Variants in RNF126 observed in about 807,000 individuals in gnomAD.
RNF126 encodes the protein E3 ubiquitin-protein ligase RNF126.
Under a neutral mutation model 41.9 loss-of-function variants are expected in RNF126, and 20 were observed. The ratio of observed to expected loss-of-function variants is 0.48; its 90% CI spans 0.34 to 0.69. The LOEUF is 0.69. Among genes scored for constraint, RNF126 ranks in the 30% least tolerant of loss-of-function variants. The probability of loss-of-function intolerance (pLI) is 0.01; values close to 1 mark genes in which losing one functional copy is unlikely to be tolerated. For missense variants in RNF126, 433 were observed against 460.6 expected (o/e 0.94, Z 0.55); for synonymous variants, 239 against 202.9 (o/e 1.18, Z -1.51).
Position 652,826 on chromosome 19 carries a change from C to A in RNF126, c.134G>T (p.Arg45Met). The change falls in exon 2 of 9, where the codon AGG becomes ATG. Residue 45 changes from arginine (R) to methionine (M), a missense_variant and splice_region_variant. Arg to Met is a moderately conservative substitution (Grantham distance 91). This residue lies in a region of RNF126 where 247 missense variants were observed against 224.7 expected (regional missense o/e 1.10). Transcript: ENST00000292363. ...CCTCTTCAACAGGGGGCTGCATTAC[C>A]TGGTCTCTTCCGGAAGCTCCTCGAT... ...GFIEELPEET[R>M]STENGSAPST... 6.2e-7 allele frequency: 1 copy of A among 1,612,896 alleles called. No homozygotes were observed.
At chr19:651,557 A>G (rs2030287838) in intron 4 of RNF126, 54 bp downstream of exon 4, 6 of 1,375,282 alleles carry the variant, frequency 4.4e-6, no homozygotes, top group Non-Finnish European at 5.6e-6. Flanking sequence ...TAAGCGCCAG[A>G]ACTTCCGACC....
In RNF126 at chr19:652,217, G is replaced by C. The variant is rs371379933; in HGVS notation, c.198+16C>G. On this transcript the variant is annotated intron_variant, in intron 3 of 8. Transcript: ENST00000292363. The stretch of plus-strand genomic sequence containing the variant: ...AGGCTGACACGATCGGGAAGCACGA[G>C]GGGCGGGCGACTCACCTCCAACGGT... The C allele has an allele frequency of 6.6e-7, 1 of 1,516,196 alleles. No individual in the cohort carries two copies. The highest frequency in any genetic ancestry group is 1.8e-4 in the Middle Eastern group (1 of 5,694). 93.9% of individuals were successfully genotyped at this position (1,516,196 alleles called of 1,614,324 possible). A position where few individuals can be genotyped will look rare whatever the true frequency, so the allele number is the denominator to read the frequency against.
chr19:660,984 G>A (rs2030776962), intron 1 of RNF126, among the ~76,000 whole-genome samples: 2 of 152,230 alleles, frequency 1.3e-5, no homozygotes, highest in Admixed American at 1.3e-4. Flanking sequence ...TGCTCTTAAG[G>A]AATCTACCAA....
intron 7 of RNF126, 32 bp from the exon 8 acceptor site, chr19:648,519 G>T: frequency 6.6e-7 from 1 of 1,508,064 alleles, no homozygotes. Flanking sequence ...GTCACAGCGG[G>T]CGTGGGGGGC....
At chr19:654,991 C>A (rs1222447706) in intron 1 of RNF126, among the ~76,000 whole-genome samples, 1 of 150,572 alleles carries the variant, frequency 6.6e-6, no homozygotes, top group Non-Finnish European at 1.5e-5. Context: ...GTGCTTACAA[C>A]TCAAAAGAAA....
At chr19:655,436 A>G (rs1048132160) in intron 1 of RNF126, among the ~76,000 whole-genome samples, 3 of 151,754 alleles carry the variant, frequency 2.0e-5, no homozygotes, top group African/African-American at 4.8e-5. Flanking sequence ...CAGTGAGCCG[A>G]GATCGCGCCA....
chr19:650,917 TG>T (rs1421261394), intron 4 of RNF126, among the ~76,000 whole-genome samples: 1 of 152,084 alleles, frequency 6.6e-6, no homozygotes, highest in Non-Finnish European at 1.5e-5. Context: ...AAATTAGAGA[TG>T]GGGCCTCCCT....
At chr19:657,230 C>T (rs905915148) in intron 1 of RNF126, among the ~76,000 whole-genome samples, 7 of 152,218 alleles carry the variant, frequency 4.6e-5, no homozygotes, top group Non-Finnish European at 1.0e-4. Flanking sequence ...TGGACAAGCA[C>T]GAGGCCCTGC....
chr19:660,243 A>T (rs2030738807), intron 1 of RNF126, among the ~76,000 whole-genome samples: 1 of 152,232 alleles, frequency 6.6e-6, no homozygotes, highest in Admixed American at 6.5e-5. Context: ...TCGCATCACT[A>T]AACCCACTTG....
intron 7 of RNF126, 97 bp from the exon 8 acceptor site, chr19:648,584 G>A: frequency 1.0e-6 from 1 of 984,052 alleles, no homozygotes; most frequent in Non-Finnish European, 1.5e-6. Context: ...GGCCGCCCCT[G>A]AGCCCAGCGA....
At chr19:649,775 G>A (rs1407353878) in intron 5 of RNF126, 27 bp from the exon 6 acceptor site, 1 of 1,540,204 alleles carries the variant, frequency 6.5e-7, no homozygotes, top group East Asian at 2.4e-5. Context: ...GGGTTCAAGT[G>A]GCTGACGGGC....
At position 648,192 on chromosome 19, in the gene RNF126, G is replaced by GAGA. The variant is rs753680015; in HGVS notation, c.869_871dup (p.Phe290dup). 1 of 1,607,604 alleles carries GAGA rather than the reference G, an allele frequency of 6.2e-7. No homozygotes were observed. The highest frequency in any genetic ancestry group is 1.1e-5 in the South Asian group (1 of 90,236). On this transcript the variant is annotated inframe_insertion, in exon 9 of 9. Coordinates refer to ENST00000292363, the MANE Select transcript of RNF126 (RefSeq NM_194460.3). ...GGAGGAGGACGATGACGACGAGGAG[G>GAGA]AGAAGCTCACCCCAGTGAGGCCAGG... is the stretch of plus-strand genomic sequence containing the variant.
chr19:653,637 A>C (rs2030429642), intron 1 of RNF126, among the ~76,000 whole-genome samples: 1 of 152,104 alleles, frequency 6.6e-6, no homozygotes, highest in African/African-American at 2.4e-5. Context: ...GTGATGGCGG[A>C]GCGTGCCGAG....
chr19:651,139 C>T (rs993049959), intron 4 of RNF126, among the ~76,000 whole-genome samples: 1 of 150,752 alleles, frequency 6.6e-6, no homozygotes, highest in Admixed American at 6.6e-5. Context: ...TCTGTTCCAC[C>T]AGGAGCAGGG....
chr19:652,373 C>T (rs2030352357), intron 2 of RNF126, 77 bp from the exon 3 acceptor site: 3 of 1,276,776 alleles, frequency 2.3e-6, no homozygotes, highest in Non-Finnish European at 3.2e-6. Context: ...CCTCAAAAGC[C>T]TATGTTGGGA....
Position 652,298 on chromosome 19 carries a change from TG to T in RNF126, c.135-3del. The T allele has an allele frequency of 6.4e-7, 1 of 1,559,040 alleles. No individual in the cohort carries two copies. The highest frequency in any genetic ancestry group is 8.6e-7 in the Non-Finnish European group (1 of 1,158,160). On this transcript the variant is annotated splice_region_variant and splice_polypyrimidine_tract_variant and intron_variant, in intron 2 of 8. Transcript: ENST00000292363. ...GGGGCAGAACCATTTTCTGTGCTCC[TG>T]GGGAGAGAGTGCAGGTCAGCAGTGC...
chr19:652,849 G>A lies in RNF126; in HGVS notation c.111C>T (p.Ile37=), dbSNP rs376151423. The A allele has an allele frequency of 1.2e-4, 196 of 1,613,292 alleles. No individual in the cohort carries two copies. The highest frequency in any genetic ancestry group is 4.1e-4 in the African/African-American group (31 of 75,032). The part of the protein sequence containing the change: ...YICPRCESGF[I]EELPEETRST... ...ACCTGGTCTCTTCCGGAAGCTCCTC[G>A]ATAAAACCAGACTCGCATCTTGGAC... Residue 37 remains isoleucine (I), a synonymous_variant, in exon 2 of 9, where the codon ATC becomes ATT. Coordinates refer to ENST00000292363, the MANE Select transcript of RNF126 (RefSeq NM_194460.3).
intron 1 of RNF126, 60 bp from the exon 2 acceptor site, chr19:652,944 C>T (rs776048742): frequency 4.0e-6 from 6 of 1,515,982 alleles, no homozygotes; most frequent in South Asian, 1.1e-5. Context: ...CAAACCCCCC[C>T]AAGTGTGAGG....
chr19:654,899 G>A (rs182534471), intron 1 of RNF126, among the ~76,000 whole-genome samples: 16 of 151,864 alleles, frequency 1.1e-4, no homozygotes, highest in African/African-American at 1.7e-4. Context: ...CCTAGGAGGC[G>A]GAGGCTGCAA....
Sources: allele counts gnomAD v4.1 joint callset (sites outside exome capture counted in the v4.1 genomes callset), GRCh38; gene constraint gnomAD v4.1.1; regional missense constraint gnomAD v4.1.1; transcripts MANE v1.5; gene names NCBI Gene and HGNC (gene_info 2026-07-23, HGNC 2026-07-21).